RORA: variants seen among roughly 807,000 people sequenced by gnomAD.
RORA encodes the protein RAR related orphan receptor A, also known as nuclear receptor ROR-alpha.
In RORA, 7 loss-of-function variants were observed where a neutral mutation model predicts 69.5. That is an observed-to-expected ratio of 0.10 (90% CI 0.06 to 0.19). The LOEUF (loss-of-function observed/expected upper bound fraction) is 0.19, where lower values mean the gene tolerates loss of function less well. Ranked by LOEUF, RORA falls within the 10% of genes least tolerant of loss-of-function variation. RORA has a pLI of 1.00. For synonymous variants in RORA, 261 were observed against 240.8 expected (o/e 1.08, Z -0.78); for missense variants, 457 against 663.0 (o/e 0.69, Z 3.41).
intron 1 of RORA, among the ~76,000 whole-genome samples, chr15:61,166,529 C>T (rs528197012): frequency 6.6e-6 from 1 of 152,224 alleles, no homozygotes; most frequent in East Asian, 1.9e-4. Context: ...AATTGCACAT[C>T]CATTGACAAC....
At chr15:60,821,525 C>T (rs1259532695) in intron 1 of RORA, among the ~76,000 whole-genome samples, 3 of 152,224 alleles carry the variant, frequency 2.0e-5, no homozygotes, top group African/African-American at 7.2e-5. Flanking sequence ...TATCTCTCCT[C>T]TGTATTCCTC....
intron 1 of RORA, among the ~76,000 whole-genome samples, chr15:61,138,504 T>G (rs2140858993): frequency 6.6e-6 from 1 of 152,338 alleles, no homozygotes; most frequent in Admixed American, 6.5e-5. Flanking sequence ...AATGTTTGCC[T>G]GTTTTGAGCA....
At chr15:60,785,490 T>C (rs555569331) in intron 1 of RORA, among the ~76,000 whole-genome samples, 1 of 152,354 alleles carries the variant, frequency 6.6e-6, no homozygotes, top group East Asian at 1.9e-4. Context: ...GACAATCTCA[T>C]GCATTCTTTT....
intron 1 of RORA, among the ~76,000 whole-genome samples, chr15:61,039,744 CAAAA>C (rs5813062): frequency 3.6e-5 from 3 of 82,646 alleles, no homozygotes; most frequent in Non-Finnish European, 4.9e-5. Flanking sequence ...GACTCTGTCT[CAAAA>C]AAAAAAAAAA....
intron 2 of RORA, among the ~76,000 whole-genome samples, chr15:60,652,313 G>A (rs892269130): frequency 2.0e-5 from 3 of 152,124 alleles, no homozygotes; most frequent in Non-Finnish European, 4.4e-5. Flanking sequence ...AAAGGCATAA[G>A]TAGGGCCAAT....
At chr15:60,855,532 G>C (rs1049759645) in intron 1 of RORA, among the ~76,000 whole-genome samples, 3 of 152,222 alleles carry the variant, frequency 2.0e-5, no homozygotes, top group African/African-American at 4.8e-5. Flanking sequence ...CCTTTGTGCA[G>C]GTAAAATGTG....
chr15:60,912,989 T>C (rs567804687), intron 1 of RORA, among the ~76,000 whole-genome samples: 1 of 152,222 alleles, frequency 6.6e-6, no homozygotes, highest in African/African-American at 2.4e-5. Context: ...ACCATTACCA[T>C]AATTTAGTTT....
rs2141276868 is a variant in RORA, at chr15:60,503,659, C to T, written c.951G>A (p.Glu317=). Residue 317 remains glutamate, a synonymous_variant, in exon 7 of 11, where the codon GAG becomes GAA. Transcript: ENST00000335670. ...TGATGGCACACAATTGCCACATCAC[C>T]TCCCGCTGCTGTTAAAGAGGGAAAC... ...EIENYQNKQR[E]VMWQLCAIKI... is the part of the protein sequence containing the mutation. 6.2e-7 allele frequency: 1 copy of T among 1,613,884 alleles called. No individual in the cohort carries two copies.
intron 5 of RORA, among the ~76,000 whole-genome samples, chr15:60,506,641 T>G (rs1264861795): frequency 1.3e-5 from 2 of 151,814 alleles, no homozygotes; most frequent in Admixed American, 6.6e-5. Context: ...CCACTTGAGG[T>G]CAGGAGTTCA....
chr15:60,971,579 A>T (rs1893715336), intron 1 of RORA, among the ~76,000 whole-genome samples: 2 of 152,150 alleles, frequency 1.3e-5, no homozygotes, highest in Middle Eastern at 3.4e-3. Context: ...CTCCATTGCA[A>T]TCCTTAAATA....
At chr15:60,730,927 CA>C (rs1244054119) in intron 1 of RORA, among the ~76,000 whole-genome samples, 2 of 151,572 alleles carry the variant, frequency 1.3e-5, no homozygotes, top group Non-Finnish European at 2.9e-5. Flanking sequence ...ATTTTAAGTC[CA>C]GGGGTACACC....
intron 1 of RORA, among the ~76,000 whole-genome samples, chr15:60,740,068 A>C (rs1175867352): frequency 6.6e-6 from 1 of 152,134 alleles, no homozygotes; most frequent in African/African-American, 2.4e-5. Context: ...AAGGAGAGAA[A>C]GGGAGCGGGG....
intron 1 of RORA, among the ~76,000 whole-genome samples, chr15:61,192,740 T>C (rs190251976): frequency 1.3e-5 from 2 of 152,208 alleles, no homozygotes; most frequent in African/African-American, 2.4e-5. Flanking sequence ...TCACTGAGTA[T>C]GTGATTTGTT....
intron 1 of RORA, among the ~76,000 whole-genome samples, chr15:60,918,407 A>T (rs1891942874): frequency 6.6e-6 from 1 of 152,228 alleles, no homozygotes; most frequent in African/African-American, 2.4e-5. Context: ...CATGTCATTC[A>T]TGTTTATTAT....
Position 60,558,674 on chromosome 15 carries a change from T to G in RORA, c.197-26823A>C, listed in dbSNP as rs1222616923. 2.0e-5 allele frequency among the ~76,000 whole-genome samples: 3 copies of G among 152,254 alleles called. No homozygotes were observed. The South Asian group carries it at 6.2e-4, about 32-fold the overall frequency. On this transcript the variant is annotated intron_variant, in intron 2 of 10. Coordinates refer to ENST00000335670, the MANE Select transcript of RORA (RefSeq NM_134261.3). ...TACCACCTTAAAACCTATTGGAGAT[T>G]GGTTTTATGTTTAGATTTATATAAC...
chr15:60,931,002 T>C (rs897896214), intron 1 of RORA, among the ~76,000 whole-genome samples: 2 of 152,214 alleles, frequency 1.3e-5, no homozygotes, highest in African/African-American at 4.8e-5. Flanking sequence ...AGGTGTTCCC[T>C]TTCTACAGTG....
At chr15:60,930,537 G>C (rs1042990348) in intron 1 of RORA, among the ~76,000 whole-genome samples, 6 of 152,224 alleles carry the variant, frequency 3.9e-5, no homozygotes, top group African/African-American at 1.2e-4. Flanking sequence ...TAGATGCAAA[G>C]TGCCAGGAGT....
chr15:60,737,739 T>C (rs573984525), intron 1 of RORA, among the ~76,000 whole-genome samples: 37 of 152,332 alleles, frequency 2.4e-4, no homozygotes, highest in African/African-American at 7.2e-4. Context: ...ATTCCATAGA[T>C]TGTGTGAACT....
Position 61,167,110 on chromosome 15 carries a change from T to C in RORA, c.166+61943A>G, listed in dbSNP as rs138696125. On this transcript the variant is annotated intron_variant, in intron 1 of 10. Transcript: ENST00000335670. The stretch of plus-strand genomic sequence containing the variant: ...TTCTCTGTTCAAAATCCAGTTCTTC[T>C]TGTAATGACATCTAATCAGGCCCTG... Among the ~76,000 whole-genome samples the C allele has an allele frequency of 1.2e-4, 19 of 152,340 alleles. No individual in the cohort carries two copies. The East Asian group carries it at 3.5e-3, about 28-fold the overall frequency.
Sources: allele counts gnomAD v4.1 joint callset (sites outside exome capture counted in the v4.1 genomes callset), GRCh38; gene constraint gnomAD v4.1.1; transcripts MANE v1.5; gene names NCBI Gene and HGNC (gene_info 2026-07-23, HGNC 2026-07-21).